Variants in ANO3 observed in about 807,000 individuals in gnomAD.
ANO3 encodes the protein anoctamin-3.
Under a neutral mutation model 144.8 loss-of-function variants are expected in ANO3, and 99 were observed. The observed-to-expected ratio is 0.68, with a 90% CI of 0.58 to 0.81. The LOEUF is 0.81. Among genes scored for constraint, ANO3 ranks in the 30% least tolerant of loss-of-function variants. ANO3 has a pLI of 0.00. For synonymous variants in ANO3, 414 were observed against 392.6 expected (o/e 1.05, Z -0.64); for missense variants, 905 against 1,202.2 (o/e 0.75, Z 3.66).
intron 18 of ANO3, 61 bp downstream of exon 18, chr11:26,624,559 T>C (rs1306826969): frequency 5.0e-6 from 6 of 1,197,740 alleles, no homozygotes; most frequent in Non-Finnish European, 7.4e-6. Context: ...CATTTCAGTC[T>C]GTAGTTACTT....
chr11:26,559,633 A>C lies in ANO3; in HGVS notation c.1387-86A>C. 3 of 914,710 alleles carry C rather than the reference A, an allele frequency of 3.3e-6. No homozygotes were observed. In the Admixed American group the frequency reaches 5.4e-5, roughly 16 times the overall value. 56.7% of individuals were successfully genotyped at this position (914,710 alleles called of 1,614,324 possible). On this transcript the variant is annotated intron_variant, in intron 13 of 26. Transcript: ENST00000256737. ...AATAATATGATTCTATTTGAGAAAA[A>C]ATCATAGTACCTGAGTGCAAACAGT...
At chr11:26,507,753 T>C (rs1019249450) in intron 4 of ANO3, among the ~76,000 whole-genome samples, 4 of 152,242 alleles carry the variant, frequency 2.6e-5, no homozygotes, top group Admixed American at 6.5e-5. Context: ...ATGTTAGCAT[T>C]ATTTTATGAT....
intron 14 of ANO3, among the ~76,000 whole-genome samples, chr11:26,569,508 C>T (rs1318264590): frequency 2.0e-5 from 3 of 151,910 alleles, no homozygotes; most frequent in African/African-American, 4.8e-5. Context: ...GTAGAAGCAG[C>T]CAGGAATTGA....
intron 14 of ANO3, among the ~76,000 whole-genome samples, chr11:26,595,004 A>G (rs913249828): frequency 6.6e-6 from 1 of 152,138 alleles, no homozygotes; most frequent in African/African-American, 2.4e-5. Context: ...ATTCTCCAGA[A>G]TACATCTTAG....
intron 14 of ANO3, among the ~76,000 whole-genome samples, chr11:26,575,300 G>T (rs1406385462): frequency 6.6e-6 from 1 of 151,592 alleles, no homozygotes; most frequent in Non-Finnish European, 1.5e-5. Context: ...AATTCTAATT[G>T]TTTTTTAAGG....
At position 26,535,571 on chromosome 11, in the gene ANO3, C is replaced by CTTTTTTTTTTTT. The variant is rs72278856; in HGVS notation, c.976+1027_976+1038dup. 1.5e-4 allele frequency among the ~76,000 whole-genome samples: 9 copies of CTTTTTTTTTTTT among 58,610 alleles called. 1 individual carries two copies. Among genetic ancestry groups the CTTTTTTTTTTTT allele is most frequent in the Admixed American group, 3.5e-4 (1 of 2,878 alleles). The allele number at this position is 58,610 out of a possible 152,430, so 38.5% of individuals were successfully genotyped here. Reference sequence around the variant, plus strand: ...AATACACTATGTTTCAAGACAGCCACTTTTTTTTTTTTTTTTTTTTTTTTT... The same window carrying CTTTTTTTTTTTT: ...AATACACTATGTTTCAAGACAGCCACTTTTTTTTTTTTTTTTTTTTTTTTTTTTTTTTTTTTT... On this transcript the variant is annotated intron_variant, in intron 9 of 26. Transcript: ENST00000256737.
chr11:26,564,754 T>TCTG (rs1565109106), intron 14 of ANO3, among the ~76,000 whole-genome samples: 3,696 of 84,562 alleles, frequency 0.044, 254 homozygotes, highest in Non-Finnish European at 0.065. Context: ...TATATATATA[T>TCTG]ATATATATAT....
intron 1 of ANO3, among the ~76,000 whole-genome samples, chr11:26,193,223 C>A (rs1460781795): frequency 2.0e-5 from 3 of 149,756 alleles, no homozygotes; most frequent in Non-Finnish European, 4.4e-5. Flanking sequence ...CTCACCGCAA[C>A]CTCCACCTCC....
chr11:26,645,054 GTTGTA>G (rs767704844), intron 23 of ANO3, among the ~76,000 whole-genome samples: 4 of 131,306 alleles, frequency 3.0e-5, no homozygotes, highest in Non-Finnish European at 3.6e-5. Context: ...TTTTTCACCT[GTTGTA>G]TTTATTGTTG....
At chr11:26,540,793 A>G (rs1239777591) in intron 10 of ANO3, among the ~76,000 whole-genome samples, 1 of 152,170 alleles carries the variant, frequency 6.6e-6, no homozygotes, top group Non-Finnish European at 1.5e-5. Context: ...AAGTCAGGAA[A>G]CAACAGAGGC....
intron 1 of ANO3, among the ~76,000 whole-genome samples, chr11:26,367,166 C>T (rs573540389): frequency 6.6e-6 from 1 of 152,230 alleles, no homozygotes; most frequent in South Asian, 2.1e-4. Context: ...AGAAGAAAAC[C>T]TAGGCAATAC....
chr11:26,208,512 C>CAAAAAAAA (rs67196052), intron 1 of ANO3, among the ~76,000 whole-genome samples: 4 of 121,754 alleles, frequency 3.3e-5, no homozygotes, highest in East Asian at 2.5e-4. Context: ...GACTCCGTCT[C>CAAAAAAAA]AAAAAAAAAA....
At chr11:26,498,751 A>G (rs1590420728) in intron 4 of ANO3, among the ~76,000 whole-genome samples, 1 of 151,898 alleles carries the variant, frequency 6.6e-6, no homozygotes, top group Middle Eastern at 3.4e-3. Flanking sequence ...TCTCAACAGA[A>G]CGAACTAGTA....
chr11:26,469,711 T>A (rs1377398980), intron 4 of ANO3, among the ~76,000 whole-genome samples: 1 of 151,932 alleles, frequency 6.6e-6, no homozygotes, highest in East Asian at 1.9e-4. Context: ...GAGACAAGCT[T>A]AAGATGTGGT....
intron 1 of ANO3, among the ~76,000 whole-genome samples, chr11:26,382,242 A>G (rs1053948181): frequency 6.6e-6 from 1 of 152,196 alleles, no homozygotes; most frequent in African/African-American, 2.4e-5. Context: ...CCAAGACAGT[A>G]ACACTGGCTC....
intron 1 of ANO3, among the ~76,000 whole-genome samples, chr11:26,293,535 A>ATG (rs1323957000): frequency 8.1e-4 from 20 of 24,798 alleles, no homozygotes; most frequent in African/African-American, 2.3e-3. Flanking sequence ...AATTCCATGT[A>ATG]TATATATATA....
At chr11:26,568,642 T>A (rs1381383082) in intron 14 of ANO3, among the ~76,000 whole-genome samples, 3 of 152,096 alleles carry the variant, frequency 2.0e-5, no homozygotes, top group African/African-American at 7.2e-5. Context: ...AACTGTCTAT[T>A]ATGGTTTCTA....
At chr11:26,474,213 A>G (rs1385249752) in intron 4 of ANO3, 1 of 496,188 alleles carries the variant, frequency 2.0e-6, no homozygotes, top group African/African-American at 2.1e-5. Flanking sequence ...ATTGAGAGAA[A>G]TTAATATTGA....
chr11:26,284,883 C>A (rs1423043043), intron 1 of ANO3, among the ~76,000 whole-genome samples: 1 of 152,110 alleles, frequency 6.6e-6, no homozygotes, highest in African/African-American at 2.4e-5. Context: ...CCAGCCTGGG[C>A]GACAGAGCGA....
Sources: gnomAD v4.1 joint callset for allele counts (sites outside exome capture counted in the v4.1 genomes callset) on GRCh38, gnomAD v4.1.1 for gene constraint, MANE v1.5 for transcripts, NCBI Gene and HGNC (gene_info 2026-07-23, HGNC 2026-07-21) for gene names.